SGK3: variants seen among roughly 807,000 people sequenced by gnomAD.
SGK3 encodes serum/glucocorticoid regulated kinase family member 3.
SGK3 carries 47 observed loss-of-function variants against 68.5 expected under a neutral mutation model. The ratio of observed to expected loss-of-function variants is 0.69; its 90% confidence interval spans 0.54 to 0.87. The LOEUF (loss-of-function observed/expected upper bound fraction) is 0.87, where lower values mean the gene tolerates loss of function less well. SGK3 is among the 40% of genes least tolerant of loss of function. The pLI is 0.00. For synonymous variants in SGK3, 181 were observed against 189.1 expected (o/e 0.96, Z 0.35); for missense variants, 479 against 575.5 (o/e 0.83, Z 1.72).
chr8:66,847,341 A>G lies in SGK3; in HGVS notation c.1223A>G (p.Glu408Gly), dbSNP rs757750013. 6.2e-7 allele frequency: 1 copy of G among 1,613,396 alleles called. No individual in the cohort carries two copies. Among genetic ancestry groups the G allele is most frequent in the South Asian group, 1.1e-5 (1 of 90,812 alleles). The change falls in exon 15 of 17, where the codon GAA (glutamate) becomes GGA (glycine). Residue 408 changes from glutamate to glycine, a missense_variant. Physicochemically the swap from Glu to Gly is moderately conservative, Grantham distance 98 (BLOSUM62 -2). This residue lies in a region of SGK3 where 173 missense variants were observed against 214.3 expected (regional missense o/e 0.81). Transcript: ENST00000521198. ...KDRQNRLGAK[E>G]DFLEIQNHPF... ...AGGCAAAATCGACTTGGTGCCAAGG[A>G]AGACTTTGTATGTAACAGCTTTTCT...
chr8:66,792,518 A>G (rs1807507654), intron 1 of SGK3, among the ~76,000 whole-genome samples: 1 of 152,142 alleles, frequency 6.6e-6, no homozygotes, highest in South Asian at 2.1e-4. Context: ...TAGTGATCAG[A>G]TCTGTTACAG....
At chr8:66,748,514 G>A (rs1805713496) in intron 1 of SGK3, among the ~76,000 whole-genome samples, 1 of 152,094 alleles carries the variant, frequency 6.6e-6, no homozygotes, top group African/African-American at 2.4e-5. Context: ...TTAATATGCT[G>A]GGCTCATCCT....
chr8:66,741,841 AAGATCAAC>A (rs1366857291), intron 1 of SGK3, among the ~76,000 whole-genome samples: 2 of 152,262 alleles, frequency 1.3e-5, no homozygotes, highest in African/African-American at 4.8e-5. Flanking sequence ...GGTAATAATC[AAGATCAAC>A]ATAGCCTCTG....
chr8:66,843,902 A>G (rs543947868), intron 14 of SGK3, among the ~76,000 whole-genome samples: 1 of 148,558 alleles, frequency 6.7e-6, no homozygotes, highest in East Asian at 2.0e-4. Context: ...GCGGAGGCCC[A>G]AGAATCGCTT....
At chr8:66,825,915 A>G (rs189555340) in intron 6 of SGK3, among the ~76,000 whole-genome samples, 21 of 152,310 alleles carry the variant, frequency 1.4e-4, no homozygotes, top group Admixed American at 3.9e-4. Flanking sequence ...ATTACATATT[A>G]ACATACTTCA....
At chr8:66,836,161 G>A (rs1563652891) in intron 10 of SGK3, 87 bp downstream of exon 10, 1 of 1,494,882 alleles carries the variant, frequency 6.7e-7, no homozygotes, top group Non-Finnish European at 9.0e-7. Flanking sequence ...TAGAAGGACA[G>A]TATAAAATCA....
rs35813353 is a variant in SGK3, at chr8:66,715,266, T to C, written c.-122+2433T>C. On this transcript the variant is annotated intron_variant, in intron 1 of 16. Transcript: ENST00000521198. Reference sequence around the variant, plus strand: ...CTTGCTTTCTTTCTTTCTTTCTTTGTTTTTTTTTTGAGACAGAGTCTTGCT... The same window carrying C: ...CTTGCTTTCTTTCTTTCTTTCTTTGCTTTTTTTTTGAGACAGAGTCTTGCT... Among the ~76,000 whole-genome samples, 4 of 111,836 alleles carry C rather than the reference T, an allele frequency of 3.6e-5. No individual in the cohort carries two copies. The South Asian group carries it at 1.0e-3, about 28-fold the overall frequency. 73.4% of individuals were successfully genotyped at this position (111,836 alleles called of 152,430 possible).
Position 66,839,303 on chromosome 8 carries a change from A to G in SGK3, c.742-700A>G, listed in dbSNP as rs186111927. On this transcript the variant is annotated intron_variant, in intron 10 of 16. Transcript: ENST00000521198. ...TTAGGAAGTATAAGAAATGAACTAGAAAGTCCAACTGCTGTTTAGCTGCAG... is the reference window on the plus strand; with the variant it reads ...TTAGGAAGTATAAGAAATGAACTAGGAAGTCCAACTGCTGTTTAGCTGCAG... Among the ~76,000 whole-genome samples the G allele has an allele frequency of 2.6e-3, 389 of 151,328 alleles. 11 individuals carry two copies. The highest frequency in any genetic ancestry group is 0.024 in the Admixed American group (358 of 15,142).
intron 1 of SGK3, among the ~76,000 whole-genome samples, chr8:66,781,498 G>A (rs891045913): frequency 6.6e-5 from 10 of 152,138 alleles, no homozygotes; most frequent in African/African-American, 2.2e-4. Context: ...AGAAGCATGA[G>A]CCACCATGCC....
intron 3 of SGK3, among the ~76,000 whole-genome samples, chr8:66,799,767 G>A (rs192474020): frequency 3.3e-5 from 5 of 152,292 alleles, no homozygotes; most frequent in African/African-American, 7.2e-5. Context: ...GATTACAGGC[G>A]TGAGCTACCA....
At chr8:66,841,958 C>G (rs1379801531) in intron 13 of SGK3, among the ~76,000 whole-genome samples, 1 of 152,160 alleles carries the variant, frequency 6.6e-6, no homozygotes, top group Non-Finnish European at 1.5e-5. Flanking sequence ...AATATTTCAT[C>G]TTTATCGTGG....
intron 16 of SGK3, among the ~76,000 whole-genome samples, chr8:66,853,452 T>G (rs1439753169): frequency 6.6e-6 from 1 of 152,200 alleles, no homozygotes; most frequent in East Asian, 1.9e-4. Context: ...ATTAGTTGAT[T>G]TTCCAATCGG....
Position 66,859,733 on chromosome 8 carries a change from G to A in SGK3, c.*152G>A, listed in dbSNP as rs531966669. On this transcript the variant is annotated 3_prime_UTR_variant, in exon 17 of 17. Transcript: ENST00000521198. The stretch of plus-strand genomic sequence containing the variant: ...TGAAAAAATGTATTTTCTTCTATGT[G>A]CAAGAAAAATAGGGCATTTCAAAGA... 1 of 924,550 alleles carries A rather than the reference G, an allele frequency of 1.1e-6. No homozygotes were observed. The highest frequency in any genetic ancestry group is 3.0e-5 in the East Asian group (1 of 33,622). 57.3% of individuals were successfully genotyped at this position (924,550 alleles called of 1,614,324 possible). A position where few individuals can be genotyped will look rare whatever the true frequency, so the allele number is the denominator to read the frequency against.
chr8:66,792,977 G>C (rs1807526510), intron 1 of SGK3, among the ~76,000 whole-genome samples: 1 of 152,202 alleles, frequency 6.6e-6, no homozygotes, highest in Admixed American at 6.5e-5. Flanking sequence ...TGTAGCAAAG[G>C]TGACATCAGT....
chr8:66,762,254 C>G (rs1273560584), intron 1 of SGK3, among the ~76,000 whole-genome samples: 1 of 152,168 alleles, frequency 6.6e-6, no homozygotes, highest in Admixed American at 6.5e-5. Context: ...CAGACGTGAG[C>G]CACCGCGCCC....
chr8:66,808,513 ATTTT>A (rs35147550), intron 4 of SGK3, among the ~76,000 whole-genome samples: 1 of 140,952 alleles, frequency 7.1e-6, no homozygotes, highest in Non-Finnish European at 1.6e-5. Context: ...AAATCCTGTA[ATTTT>A]TTTTTTTTTT....
intron 1 of SGK3, among the ~76,000 whole-genome samples, chr8:66,772,056 G>T (rs1171868023): frequency 8.8e-5 from 5 of 56,882 alleles, no homozygotes; most frequent in African/African-American, 3.4e-4. Context: ...AATTATGGAT[G>T]AATCTATAAT....
At chr8:66,716,288 A>G (rs1170044469) in intron 1 of SGK3, among the ~76,000 whole-genome samples, 2 of 152,192 alleles carry the variant, frequency 1.3e-5, no homozygotes, top group Admixed American at 6.6e-5. Context: ...TTTTAACTCA[A>G]TGCTAACTTT....
At chr8:66,801,273 G>A (rs1807934592) in intron 3 of SGK3, among the ~76,000 whole-genome samples, 1 of 152,120 alleles carries the variant, frequency 6.6e-6, no homozygotes, top group African/African-American at 2.4e-5. Context: ...TGGTTTTGGA[G>A]CATTTCAGAT....
Sources: gnomAD v4.1 joint callset for allele counts (sites outside exome capture counted in the v4.1 genomes callset) on GRCh38, gnomAD v4.1.1 for gene constraint, gnomAD v4.1.1 regional missense constraint, MANE v1.5 for transcripts, NCBI Gene and HGNC (gene_info 2026-07-23, HGNC 2026-07-21) for gene names.